The following ENPP6 variants were observed in gnomAD, a reference collection of about 807,000 sequenced individuals.
ENPP6 encodes glycerophosphocholine cholinephosphodiesterase ENPP6.
A neutral mutation model predicts 42.0 loss-of-function variants in ENPP6; 32 were observed. The observed-to-expected ratio is 0.76, with a 90% CI of 0.58 to 1.02. The LOEUF is 1.02. Ranked by LOEUF, ENPP6 falls within the 50% of genes least tolerant of loss-of-function variation. The pLI is 0.00. For missense variants in ENPP6, 552 were observed against 566.8 expected, an observed-to-expected ratio of 0.97 and a Z score of 0.27; for synonymous variants, 213 against 216.0, an observed-to-expected ratio of 0.99 and a Z score of 0.12.
intron 6 of ENPP6, among the ~76,000 whole-genome samples, chr4:184,104,747 G>T (rs1207221676): frequency 6.6e-6 from 1 of 152,208 alleles, no homozygotes. Flanking sequence ...TAAGTAGTCA[G>T]GAATCAACTG....
intron 2 of ENPP6, among the ~76,000 whole-genome samples, chr4:184,138,914 A>G (rs111612729): frequency 0.034 from 5,141 of 152,370 alleles, 271 homozygotes; most frequent in African/African-American, 0.11. Flanking sequence ...CTTCGAAGCC[A>G]GGGCAAATAG....
At chr4:184,199,425 T>G (rs995688826) in intron 1 of ENPP6, among the ~76,000 whole-genome samples, 1 of 152,216 alleles carries the variant, frequency 6.6e-6, no homozygotes, top group Non-Finnish European at 1.5e-5. Flanking sequence ...AACATTTACG[T>G]TTCTGTACGG....
intron 1 of ENPP6, among the ~76,000 whole-genome samples, chr4:184,199,206 C>T (rs1452490973): frequency 6.6e-6 from 1 of 152,200 alleles, no homozygotes; most frequent in Non-Finnish European, 1.5e-5. Flanking sequence ...TCTCAGGCTC[C>T]CTGATGCCTT....
Position 184,105,685 on chromosome 4 carries a change from C to T in ENPP6, c.993+6987G>A, listed in dbSNP as rs556139313. On this transcript the variant is annotated intron_variant, in intron 6 of 7. Coordinates refer to ENST00000296741, the MANE Select transcript of ENPP6 (RefSeq NM_153343.4). ...TATTGACCAAAATTTTTTTTAAAATCCCCATATTTTTATTATCTGCAAAAT... is the reference window on the plus strand; with the variant it reads ...TATTGACCAAAATTTTTTTTAAAATTCCCATATTTTTATTATCTGCAAAAT... Among the ~76,000 whole-genome samples, 204 of 152,242 alleles carry T rather than the reference C, an allele frequency of 1.3e-3. 2 individuals are homozygous for T. The highest frequency in any genetic ancestry group is 4.5e-3 in the African/African-American group (187 of 41,538).
chr4:184,134,013 A>C (rs1220197462), intron 2 of ENPP6, among the ~76,000 whole-genome samples: 1 of 152,004 alleles, frequency 6.6e-6, no homozygotes, highest in East Asian at 1.9e-4. Flanking sequence ...TCAGGATGCA[A>C]ATACTTTGTT....
At chr4:184,207,821 C>T (rs1733025474) in intron 1 of ENPP6, among the ~76,000 whole-genome samples, 1 of 152,188 alleles carries the variant, frequency 6.6e-6, no homozygotes, top group African/African-American at 2.4e-5. Context: ...CCAACAACAG[C>T]AACTTATTTG....
chr4:184,113,875 C>A (rs112747602), intron 5 of ENPP6, among the ~76,000 whole-genome samples: 1,966 of 151,324 alleles, frequency 0.013, 21 homozygotes, highest in Non-Finnish European at 0.021. Flanking sequence ...CTCTCTTTCT[C>A]TTTCTTTTTC....
intron 2 of ENPP6, among the ~76,000 whole-genome samples, chr4:184,151,705 C>T (rs559397812): frequency 6.6e-6 from 1 of 152,288 alleles, no homozygotes; most frequent in South Asian, 2.1e-4. Flanking sequence ...ATTCCCTCTG[C>T]TATGCCTGTG....
At chr4:184,205,583 G>A (rs768886898) in intron 1 of ENPP6, among the ~76,000 whole-genome samples, 27 of 152,258 alleles carry the variant, frequency 1.8e-4, no homozygotes, top group Non-Finnish European at 3.5e-4. Flanking sequence ...AACAGAACCC[G>A]CTGGAGGGTT....
chr4:184,155,677 T>G (rs1361765547), intron 1 of ENPP6, among the ~76,000 whole-genome samples: 2 of 152,158 alleles, frequency 1.3e-5, no homozygotes, highest in African/African-American at 4.8e-5. Context: ...GTTTGGACCA[T>G]TTTAGAACAA....
In ENPP6 at chr4:184,116,896, G is replaced by A. The variant is rs1322675725; in HGVS notation, c.815C>T (p.Pro272Leu). The A allele has an allele frequency of 1.2e-6, 2 of 1,614,134 alleles. No individual in the cohort carries two copies. Among genetic ancestry groups the A allele is most frequent in the East Asian group, 4.5e-5 (2 of 44,888 alleles). Reference sequence around the variant, plus strand: ...AGGGGCCGGCCAAAGGCTCACAACAGGCCCGCGGTCCTTCACTTGCTGCAG... The same window carrying A: ...AGGGGCCGGCCAAAGGCTCACAACAAGCCCGCGGTCCTTCACTTGCTGCAG... ...NDLQQVKDRG[P>L]VVSLWPAPGK... Residue 272 changes from proline (P) to leucine (L), a missense_variant, in exon 5 of 8, where the codon CCT (proline) becomes CTT (leucine). Physicochemically the swap from Pro to Leu is moderately conservative, Grantham distance 98 (BLOSUM62 -3). Around this residue, in one of 2 missense-constraint regions of ENPP6, gnomAD observed 545 missense variants for 546.3 expected, o/e 1.00. Coordinates refer to ENST00000296741, the MANE Select transcript of ENPP6 (RefSeq NM_153343.4).
intron 1 of ENPP6, among the ~76,000 whole-genome samples, chr4:184,212,490 T>C (rs1409034314): frequency 6.6e-6 from 1 of 150,670 alleles, no homozygotes; most frequent in East Asian, 1.9e-4. Flanking sequence ...CCATTCACAA[T>C]TGCTTCAAAG....
At chr4:184,197,385 G>A (rs575339834) in intron 1 of ENPP6, among the ~76,000 whole-genome samples, 1 of 152,348 alleles carries the variant, frequency 6.6e-6, no homozygotes, top group East Asian at 1.9e-4. Context: ...GGGAAGTTCA[G>A]CATTGAAAGA....
At chr4:184,192,400 A>G (rs560101825) in intron 1 of ENPP6, among the ~76,000 whole-genome samples, 152 of 152,372 alleles carry the variant, frequency 1.0e-3, no homozygotes, top group African/African-American at 3.5e-3. Context: ...TCTTTTTCAC[A>G]AATAGTGCGG....
Position 184,112,482 on chromosome 4 carries a change from C to T in ENPP6, c.993+190G>A, listed in dbSNP as rs192109458. ...GAAGTCTAAACCATGACTCTGGGTT[C>T]GCGTCTACAGTTGTGTCTACAAAGT... On this transcript the variant is annotated intron_variant, in intron 6 of 7. Transcript: ENST00000296741. The T allele has an allele frequency of 2.3e-4, 149 of 653,562 alleles. 1 individual carries two copies. The highest frequency in any genetic ancestry group is 2.3e-3 in the African/African-American group (123 of 54,016). 40.5% of individuals were successfully genotyped at this position (653,562 alleles called of 1,614,324 possible).
intron 1 of ENPP6, among the ~76,000 whole-genome samples, chr4:184,191,480 T>C (rs1031181150): frequency 6.6e-6 from 1 of 152,176 alleles, no homozygotes; most frequent in Non-Finnish European, 1.5e-5. Flanking sequence ...GGCCATCCAT[T>C]GTCTTCTCAG....
At chr4:184,118,081 C>T (rs1176616003) in intron 3 of ENPP6, among the ~76,000 whole-genome samples, 181 bp from the exon 4 acceptor site, 2 of 152,316 alleles carry the variant, frequency 1.3e-5, no homozygotes, top group East Asian at 3.9e-4. Context: ...CACACTGAAC[C>T]AAGAATTGCT....
At chr4:184,126,646 G>A (rs537523604) in intron 2 of ENPP6, among the ~76,000 whole-genome samples, 18 of 152,274 alleles carry the variant, frequency 1.2e-4, no homozygotes, top group African/African-American at 4.1e-4. Context: ...GACAATGCTG[G>A]AGAGAAAAAG....
chr4:184,142,815 C>G (rs961183500), intron 2 of ENPP6, among the ~76,000 whole-genome samples: 3 of 152,200 alleles, frequency 2.0e-5, no homozygotes, highest in African/African-American at 7.2e-5. Flanking sequence ...GGCCAAAGGC[C>G]GCGCTTTCAT....
Sources: allele counts gnomAD v4.1 joint callset (sites outside exome capture counted in the v4.1 genomes callset), GRCh38; gene constraint gnomAD v4.1.1; regional missense constraint gnomAD v4.1.1; transcripts MANE v1.5; gene names NCBI Gene and HGNC (gene_info 2026-07-23, HGNC 2026-07-21).